USP48: variants seen among roughly 807,000 people sequenced by gnomAD.
USP48 encodes ubiquitin specific peptidase 48.
Under a neutral mutation model 150.7 loss-of-function variants are expected in USP48, and 43 were observed. That is an observed-to-expected ratio of 0.29 (90% CI 0.22 to 0.37). The LOEUF is 0.37. USP48 is among the 10% of genes least tolerant of loss of function. USP48 has a pLI of 1.00. For synonymous variants in USP48, 396 were observed against 425.9 expected, an observed-to-expected ratio of 0.93 and a Z score of 0.86; for missense variants, 813 against 1,249.6, an observed-to-expected ratio of 0.65 and a Z score of 5.27.
At chr1:21,704,979 T>C (rs1320009530) in intron 19 of USP48, among the ~76,000 whole-genome samples, 7 of 151,096 alleles carry the variant, frequency 4.6e-5, no homozygotes, top group Admixed American at 4.6e-4. Flanking sequence ...AGAAGAGAGA[T>C]GCACAGCGAG....
chr1:21,771,319 A>G (rs780958201), intron 1 of USP48, among the ~76,000 whole-genome samples: 2 of 151,686 alleles, frequency 1.3e-5, no homozygotes, highest in Non-Finnish European at 2.9e-5. Flanking sequence ...GGCTGAAGTG[A>G]GCAAAGATCG....
At chr1:21,708,165 AAAAACAAAAC>A (rs1023421034) in intron 15 of USP48, among the ~76,000 whole-genome samples, 1 of 152,118 alleles carries the variant, frequency 6.6e-6, no homozygotes, top group Non-Finnish European at 1.5e-5. Context: ...GCCATCTCAA[AAAAACAAAAC>A]AAAACAACAC....
rs1228549634 is a variant in USP48 at position 21,707,050 on chromosome 1, A to G, written c.1964-182T>C. 7.9e-6 allele frequency: 6 copies of G among 762,498 alleles called. No homozygotes were observed. The South Asian group carries it at 8.5e-5, about 11-fold the overall frequency. The allele number at this position is 762,498 out of a possible 1,614,324, so 47.2% of individuals were successfully genotyped here. On this transcript the variant is annotated intron_variant, in intron 15 of 26. Coordinates refer to ENST00000308271, the MANE Select transcript of USP48 (RefSeq NM_032236.8). Reference sequence around the variant, plus strand: ...CTTCTGAATTTCCGATTTCATTTTAATTCTAAAGGAGGTAGCCATTAACCT... The same window carrying G: ...CTTCTGAATTTCCGATTTCATTTTAGTTCTAAAGGAGGTAGCCATTAACCT...
At position 21,765,174 on chromosome 1, in the gene USP48, A is replaced by G. The variant is rs138544883; in HGVS notation, c.135-7391T>C. 2.0e-3 allele frequency among the ~76,000 whole-genome samples: 308 copies of G among 152,328 alleles called. 2 individuals carry two copies. The highest frequency in any genetic ancestry group is 6.5e-3 in the African/African-American group (272 of 41,564). On this transcript the variant is annotated intron_variant, in intron 1 of 26. Coordinates refer to ENST00000308271, the MANE Select transcript of USP48 (RefSeq NM_032236.8). Reference sequence around the variant, plus strand: ...CCATAGTACGATAAGGAATTCAGATAATTTAATGGGTACTTTGTTCCAAGA... The same window carrying G: ...CCATAGTACGATAAGGAATTCAGATGATTTAATGGGTACTTTGTTCCAAGA...
chr1:21,742,513 C>T (rs998366833), intron 8 of USP48, among the ~76,000 whole-genome samples: 2 of 149,386 alleles, frequency 1.3e-5, no homozygotes, highest in Non-Finnish European at 3.0e-5. Context: ...CACTGCACTC[C>T]AGCCTGGGTG....
At position 21,721,098 on chromosome 1, in the gene USP48, T is replaced by C; in HGVS notation, c.1832A>G (p.Asp611Gly). Residue 611 changes from aspartate to glycine, a missense_variant, in exon 14 of 27, where the codon GAT becomes GGT. Asp to Gly is a moderately conservative substitution (Grantham distance 94, BLOSUM62 -1). Coordinates refer to ENST00000308271, the MANE Select transcript of USP48 (RefSeq NM_032236.8). ...TTGTTCTGCATCACCATCTTGCTCA[T>C]CCAGCTGTTCAAGAGCTAGCTGGCG... ...SWRQLALEQL[D>G]EQDGDAEQSN... 2 of 1,614,274 alleles carry C rather than the reference T, an allele frequency of 1.2e-6. No individual in the cohort carries two copies. Among genetic ancestry groups the C allele is most frequent in the Non-Finnish European group, 1.7e-6 (2 of 1,180,046 alleles).
intron 25 of USP48, chr1:21,681,093 C>T: frequency 2.8e-6 from 1 of 355,704 alleles, no homozygotes. Context: ...ACACCTAGTG[C>T]ACGACTCTAG....
chr1:21,779,167 G>A (rs868290370), intron 1 of USP48, among the ~76,000 whole-genome samples: 12 of 152,112 alleles, frequency 7.9e-5, no homozygotes, highest in Admixed American at 7.2e-4. Flanking sequence ...GAGCCCAGGA[G>A]TTCAAGGCTG....
intron 1 of USP48, 61 bp from the exon 2 acceptor site, chr1:21,757,844 A>C (rs925487801): frequency 2.1e-5 from 31 of 1,504,700 alleles, no homozygotes; most frequent in Non-Finnish European, 2.7e-5. Flanking sequence ...GAGACAAACA[A>C]ATTAAAACTA....
At chr1:21,709,004 G>A (rs1397663290) in intron 15 of USP48, among the ~76,000 whole-genome samples, 3 of 151,696 alleles carry the variant, frequency 2.0e-5, no homozygotes, top group Non-Finnish European at 4.4e-5. Flanking sequence ...CGACCTCCTG[G>A]GCTCAAGCGA....
chr1:21,774,275 C>A (rs190196634), intron 1 of USP48, among the ~76,000 whole-genome samples: 2 of 151,618 alleles, frequency 1.3e-5, no homozygotes, highest in Non-Finnish European at 2.9e-5. Flanking sequence ...GCTTCTCTTG[C>A]CACACACAAA....
intron 5 of USP48, among the ~76,000 whole-genome samples, chr1:21,751,886 C>T (rs751381662): frequency 7.2e-5 from 11 of 151,830 alleles, no homozygotes; most frequent in South Asian, 2.1e-4. Context: ...GATGTGGTGG[C>T]GCGTTCCTGT....
intron 7 of USP48, 61 bp downstream of exon 7, chr1:21,748,077 G>T: frequency 6.9e-7 from 1 of 1,446,570 alleles, no homozygotes; most frequent in Non-Finnish European, 9.2e-7. Context: ...CTCATCTATG[G>T]TAAAGTCTGT....
At chr1:21,723,737 C>T (rs1400138772) in intron 12 of USP48, among the ~76,000 whole-genome samples, 161 bp downstream of exon 12, 1 of 152,140 alleles carries the variant, frequency 6.6e-6, no homozygotes, top group Non-Finnish European at 1.5e-5. Context: ...GCATCAGTTG[C>T]TTAACTTCTA....
At chr1:21,756,520 G>C in intron 3 of USP48, 26 bp downstream of exon 3, 4 of 1,551,852 alleles carry the variant, frequency 2.6e-6, no homozygotes, top group Non-Finnish European at 3.4e-6. Flanking sequence ...CAGGAAGAGA[G>C]CTCTCCCCCA....
intron 1 of USP48, among the ~76,000 whole-genome samples, chr1:21,776,637 G>C (rs1235340529): frequency 8.1e-6 from 1 of 122,986 alleles, no homozygotes; most frequent in Non-Finnish European, 1.7e-5. Flanking sequence ...TGAGTAGAAA[G>C]AGAGCTTTTT....
chr1:21,741,433 C>G (rs1437872930), intron 8 of USP48, among the ~76,000 whole-genome samples: 1 of 152,176 alleles, frequency 6.6e-6, no homozygotes, highest in Non-Finnish European at 1.5e-5. Context: ...ACCACCCATG[C>G]TTAGAGAAAA....
At chr1:21,772,100 A>C (rs2097882486) in intron 1 of USP48, among the ~76,000 whole-genome samples, 1 of 152,202 alleles carries the variant, frequency 6.6e-6, no homozygotes, top group South Asian at 2.1e-4. Context: ...TCAATCCATA[A>C]ATCAAATTAA....
chr1:21,774,730 A>G (rs1279725596), intron 1 of USP48, among the ~76,000 whole-genome samples: 1 of 150,286 alleles, frequency 6.7e-6, no homozygotes, highest in Non-Finnish European at 1.5e-5. Context: ...GGTGGCTCAC[A>G]CCTGTAATCT....
Sources: gnomAD v4.1 joint callset for allele counts (sites outside exome capture counted in the v4.1 genomes callset) on GRCh38, gnomAD v4.1.1 for gene constraint, MANE v1.5 for transcripts, NCBI Gene and HGNC (gene_info 2026-07-23, HGNC 2026-07-21) for gene names.